Variants in RORA observed in about 807,000 individuals in gnomAD.
RORA encodes RAR related orphan receptor A, also known as nuclear receptor ROR-alpha.
A neutral mutation model predicts 69.5 loss-of-function variants in RORA; 7 were observed. The ratio of observed to expected loss-of-function variants is 0.10; its 90% CI spans 0.06 to 0.19. RORA has a LOEUF of 0.19. Ranked by LOEUF, RORA falls within the 10% of genes least tolerant of loss-of-function variation. The pLI, the probability that RORA is intolerant of heterozygous loss-of-function variation, is 1.00. For missense variants in RORA, 457 were observed against 663.0 expected (o/e 0.69, Z 3.41); for synonymous variants, 261 against 240.8 (o/e 1.08, Z -0.78).
intron 2 of RORA, among the ~76,000 whole-genome samples, chr15:60,619,317 A>G (rs550729999): frequency 6.6e-6 from 1 of 152,276 alleles, no homozygotes; most frequent in Non-Finnish European, 1.5e-5. Context: ...ATTATTGAGG[A>G]TTGAATTTAG....
chr15:60,558,299 G>C, intron 2 of RORA: 2 of 1,611,154 alleles, frequency 1.2e-6, no homozygotes, highest in African/African-American at 1.3e-5. Flanking sequence ...ATCCCAAAAA[G>C]TTCATCCCTG....
At chr15:61,124,441 A>G (rs1267173592) in intron 1 of RORA, among the ~76,000 whole-genome samples, 1 of 152,146 alleles carries the variant, frequency 6.6e-6, no homozygotes, top group Non-Finnish European at 1.5e-5. Flanking sequence ...CTCTGAGAGC[A>G]GAGTGTGGAG....
chr15:60,787,521 C>G lies in RORA; in HGVS notation c.167-108835G>C, dbSNP rs1595714661. Among the ~76,000 whole-genome samples, 3 of 152,304 alleles carry G rather than the reference C, an allele frequency of 2.0e-5. No individual in the cohort carries two copies. In the East Asian group the frequency reaches 5.8e-4, roughly 29 times the overall value. ...GTTAGTGGGCTAAGAATTTGCTTAT[C>G]TAACAGAAATACAGCTTAACTAACC... On this transcript the variant is annotated intron_variant, in intron 1 of 10. Transcript: ENST00000335670.
intron 1 of RORA, among the ~76,000 whole-genome samples, chr15:61,101,732 A>G (rs2078882897): frequency 6.6e-6 from 1 of 152,048 alleles, no homozygotes; most frequent in Admixed American, 6.6e-5. Context: ...CCGAAAGGAC[A>G]TTCTCCCTGC....
At chr15:60,927,819 C>T (rs750160676) in intron 1 of RORA, among the ~76,000 whole-genome samples, 10 of 152,134 alleles carry the variant, frequency 6.6e-5, no homozygotes, top group Non-Finnish European at 1.2e-4. Context: ...AACCTAATCC[C>T]TGCAGAATGC....
chr15:60,776,190 G>A (rs768886464), intron 1 of RORA, among the ~76,000 whole-genome samples: 5 of 152,132 alleles, frequency 3.3e-5, no homozygotes, highest in Non-Finnish European at 5.9e-5. Context: ...CCAGCTTGCA[G>A]GAGCAGGCCT....
At chr15:61,075,653 C>G (rs886632521) in intron 1 of RORA, among the ~76,000 whole-genome samples, 2 of 152,168 alleles carry the variant, frequency 1.3e-5, no homozygotes, top group Non-Finnish European at 2.9e-5. Flanking sequence ...TGAGAAAACT[C>G]AGGTCCATCT....
intron 1 of RORA, among the ~76,000 whole-genome samples, chr15:61,060,057 T>G (rs2078160673): frequency 7.3e-6 from 1 of 137,094 alleles, no homozygotes. Flanking sequence ...AAGAAAGCCT[T>G]TCTGACAAGC....
rs139346542 is a variant in RORA, at chr15:60,694,354, C to T, written c.167-15668G>A. Among the ~76,000 whole-genome samples the T allele has an allele frequency of 1.3e-3, 198 of 152,210 alleles. 1 individual carries two copies. Among genetic ancestry groups the T allele is most frequent in the Non-Finnish European group, 2.2e-3 (153 of 68,002 alleles). ...GCCCACATCAAAAGTCAAAGGTACC[C>T]GGCAAAAAGCACGGAAGATGAGCAT... is the stretch of plus-strand genomic sequence containing the variant. On this transcript the variant is annotated intron_variant, in intron 1 of 10. Transcript: ENST00000335670.
At chr15:60,738,395 C>T (rs958496460) in intron 1 of RORA, among the ~76,000 whole-genome samples, 1 of 152,232 alleles carries the variant, frequency 6.6e-6, no homozygotes, top group African/African-American at 2.4e-5. Context: ...CCTGCCCCAA[C>T]CACAAATTCC....
intron 1 of RORA, among the ~76,000 whole-genome samples, chr15:60,992,721 T>C (rs1413579179): frequency 6.6e-6 from 1 of 152,162 alleles, no homozygotes; most frequent in Non-Finnish European, 1.5e-5. Context: ...GTTACAAAGA[T>C]ACAAGAGAAG....
At chr15:61,172,354 T>A (rs1470373551) in intron 1 of RORA, among the ~76,000 whole-genome samples, 4 of 152,204 alleles carry the variant, frequency 2.6e-5, no homozygotes, top group African/African-American at 9.6e-5. Flanking sequence ...CTACATGAAG[T>A]ATCATGAAAA....
chr15:60,642,202 A>G (rs2069956538), intron 2 of RORA, among the ~76,000 whole-genome samples: 1 of 152,172 alleles, frequency 6.6e-6, no homozygotes, highest in Admixed American at 6.5e-5. Flanking sequence ...AGTGGATCAC[A>G]TCCCAGGGAA....
intron 1 of RORA, among the ~76,000 whole-genome samples, chr15:60,704,362 C>T (rs909493852): frequency 6.6e-6 from 1 of 152,254 alleles, no homozygotes; most frequent in African/African-American, 2.4e-5. Flanking sequence ...AGAGCAAACA[C>T]AACCCACAAA....
chr15:60,613,078 G>C (rs1048911722), intron 2 of RORA, among the ~76,000 whole-genome samples: 4 of 151,012 alleles, frequency 2.6e-5, no homozygotes, highest in Non-Finnish European at 4.4e-5. Flanking sequence ...TCTTTCCAAA[G>C]TCAGTAAAAC....
In RORA at chr15:60,665,634, C is replaced by T. The variant is rs541069589; in HGVS notation, c.196+13023G>A. 3.9e-5 allele frequency among the ~76,000 whole-genome samples: 6 copies of T among 152,284 alleles called. No individual in the cohort carries two copies. In the South Asian group the frequency reaches 1.2e-3, roughly 32 times the overall value. On this transcript the variant is annotated intron_variant, in intron 2 of 10. Transcript: ENST00000335670. ...CCCTTTGAATTATAGTATCAGTTTC[C>T]AAACTATTATAATGCAAATCTCACA...
intron 1 of RORA, among the ~76,000 whole-genome samples, chr15:60,996,766 C>T (rs28495855): frequency 2.0e-5 from 3 of 151,964 alleles, no homozygotes; most frequent in Admixed American, 6.6e-5. Context: ...AAAAATTAGC[C>T]GGGAGTGGTG....
intron 2 of RORA, among the ~76,000 whole-genome samples, chr15:60,562,103 C>T (rs1021800356): frequency 6.6e-6 from 1 of 152,056 alleles, no homozygotes; most frequent in Admixed American, 6.5e-5. Context: ...GCCACCACCA[C>T]ATCCGGCTAA....
intron 2 of RORA, among the ~76,000 whole-genome samples, chr15:60,582,618 G>A (rs1567104201): frequency 6.6e-6 from 1 of 152,180 alleles, no homozygotes; most frequent in African/African-American, 2.4e-5. Context: ...AAGTGAGGGT[G>A]TTGGGCTTCA....
Sources: gnomAD v4.1 joint callset for allele counts (sites outside exome capture counted in the v4.1 genomes callset) on GRCh38, gnomAD v4.1.1 for gene constraint, MANE v1.5 for transcripts, NCBI Gene and HGNC (gene_info 2026-07-23, HGNC 2026-07-21) for gene names.